The following ICA1L variants were observed in gnomAD, a reference collection of about 807,000 sequenced individuals.
ICA1L encodes the protein islet cell autoantigen 1 like, also known as islet cell autoantigen 1-like protein.
Under a neutral mutation model 61.3 loss-of-function variants are expected in ICA1L, and 50 were observed. That is an observed-to-expected ratio of 0.82 (90% CI 0.65 to 1.03). The LOEUF (loss-of-function observed/expected upper bound fraction) is 1.03. Among genes scored for constraint, ICA1L ranks in the 50% least tolerant of loss-of-function variants. The pLI, the probability that ICA1L is intolerant of heterozygous loss-of-function variation, is 0.00. For missense variants in ICA1L, 508 were observed against 556.7 expected (o/e 0.91, Z 0.88); for synonymous variants, 161 against 191.3 (o/e 0.84, Z 1.31).
chr2:202,821,080 T>G (rs1217641709), intron 4 of ICA1L, among the ~76,000 whole-genome samples: 1 of 152,200 alleles, frequency 6.6e-6, no homozygotes, highest in Non-Finnish European at 1.5e-5. Context: ...GAAATATAAC[T>G]GATACTTGTC....
intron 1 of ICA1L, chr2:202,840,317 G>C: frequency 2.1e-6 from 1 of 466,692 alleles, no homozygotes; most frequent in South Asian, 1.7e-5. Context: ...ACTGGGAGGA[G>C]CTGCTGCAGC....
intron 9 of ICA1L, among the ~76,000 whole-genome samples, chr2:202,806,840 C>A (rs1032977601): frequency 1.3e-5 from 2 of 152,114 alleles, no homozygotes; most frequent in African/African-American, 4.8e-5. Flanking sequence ...AAGCCAGGAT[C>A]CAAACTCAGA....
Position 202,774,350 on chromosome 2 carries a change from G to T in ICA1L, c.*5183C>A. 2.2e-6 allele frequency: 3 copies of T among 1,374,076 alleles called. No individual in the cohort carries two copies. The highest frequency in any genetic ancestry group is 2.8e-6 in the Non-Finnish European group (3 of 1,070,636). The allele number at this position is 1,374,076 out of a possible 1,614,324, so 85.1% of individuals were successfully genotyped here. A position where few individuals can be genotyped will look rare whatever the true frequency, so the allele number is the denominator to read the frequency against. ...CAGCGCTGAGGCGAGCCTGCCGCGC[G>T]CTCCGCTCAGCGTGGTCTGGCAGCC... On this transcript the variant is annotated 3_prime_UTR_variant, in exon 13 of 13. Transcript: ENST00000358299.
chr2:202,822,147 T>G (rs1196478978), intron 3 of ICA1L, among the ~76,000 whole-genome samples: 1 of 152,210 alleles, frequency 6.6e-6, no homozygotes, highest in African/African-American at 2.4e-5. Flanking sequence ...TTTCACGTAT[T>G]TTATTTCATT....
intron 12 of ICA1L, among the ~76,000 whole-genome samples, chr2:202,779,860 G>A (rs1692345457): frequency 6.7e-6 from 1 of 149,368 alleles, no homozygotes; most frequent in Admixed American, 6.7e-5. Context: ...GCCCAGGCTG[G>A]TCTGGAACTC....
intron 1 of ICA1L, among the ~76,000 whole-genome samples, chr2:202,834,400 G>A (rs192295957): frequency 3.0e-4 from 45 of 152,256 alleles, no homozygotes; most frequent in Non-Finnish European, 4.1e-4. Flanking sequence ...AGGCTGAGGC[G>A]GGTGGATAAC....
intron 10 of ICA1L, among the ~76,000 whole-genome samples, chr2:202,793,314 A>T (rs1003458167): frequency 1.3e-5 from 2 of 151,838 alleles, no homozygotes; most frequent in African/African-American, 4.8e-5. Flanking sequence ...GACAAAAAAC[A>T]CACATGTACA....
At position 202,815,953 on chromosome 2, in the gene ICA1L, T is replaced by C; in HGVS notation, c.741A>G (p.Glu247=). ...KTARMMSQIH[E]ACIGFHPYDF... ...CATACGGATGAAAGCCAATACAGGC[T>C]TCATGAATTTGGGACATCATTCGAG... Residue 247 remains glutamate (E), a synonymous_variant, in exon 7 of 13, where the codon GAA becomes GAG. Coordinates refer to ENST00000358299, the MANE Select transcript of ICA1L (RefSeq NM_001288622.3). 6.2e-7 allele frequency: 1 copy of C among 1,605,152 alleles called. No homozygotes were observed. Among genetic ancestry groups the C allele is most frequent in the East Asian group, 2.3e-5 (1 of 44,064 alleles).
chr2:202,830,049 G>A (rs756236250), intron 1 of ICA1L, among the ~76,000 whole-genome samples: 41 of 152,184 alleles, frequency 2.7e-4, no homozygotes, highest in Non-Finnish European at 5.6e-4. Context: ...AAGTATAAGG[G>A]AAGATATGTT....
intron 3 of ICA1L, among the ~76,000 whole-genome samples, chr2:202,824,256 C>G (rs1559139179): frequency 6.6e-6 from 1 of 152,174 alleles, no homozygotes; most frequent in East Asian, 1.9e-4. Flanking sequence ...CAAAAATTGG[C>G]CAGGCATGGT....
intron 1 of ICA1L, among the ~76,000 whole-genome samples, chr2:202,861,635 C>T (rs1694917309): frequency 6.6e-6 from 1 of 151,590 alleles, no homozygotes; most frequent in African/African-American, 2.4e-5. Flanking sequence ...ACCTGTAATC[C>T]CAGAACTTTG....
At chr2:202,822,679 T>C (rs1465330460) in intron 3 of ICA1L, among the ~76,000 whole-genome samples, 1 of 152,184 alleles carries the variant, frequency 6.6e-6, no homozygotes, top group African/African-American at 2.4e-5. Flanking sequence ...ATGTCATGCC[T>C]AATTTCATCC....
In ICA1L at chr2:202,828,882, A is replaced by G. The variant is rs1693926790; in HGVS notation, c.128T>C (p.Val43Ala). 1.2e-6 allele frequency: 2 copies of G among 1,614,002 alleles called. No homozygotes were observed. The highest frequency in any genetic ancestry group is 1.7e-6 in the Non-Finnish European group (2 of 1,180,026). The change falls in exon 2 of 13, where the codon GTG (valine) becomes GCG (alanine). Residue 43 changes from valine (V) to alanine (A), a missense_variant. Coordinates refer to ENST00000358299, the MANE Select transcript of ICA1L (RefSeq NM_001288622.3). ...AGCATCCAGTTCAGCATCAGACGCCACCAAGTGCTCATCCTCTTTTTTTCC... is the reference window on the plus strand; with the variant it reads ...AGCATCCAGTTCAGCATCAGACGCCGCCAAGTGCTCATCCTCTTTTTTTCC... ...ATGKKEDEHL[V>A]ASDAELDAKL... is the part of the protein sequence containing the mutation.
At chr2:202,821,005 C>T (rs72932774) in intron 4 of ICA1L, among the ~76,000 whole-genome samples, 13,975 of 151,962 alleles carry the variant, frequency 0.092, 768 homozygotes, top group Non-Finnish European at 0.13. Context: ...TATCAAAAAG[C>T]GAAATTGGAA....
At chr2:202,780,933 T>C (rs1406434517) in intron 12 of ICA1L, among the ~76,000 whole-genome samples, 1 of 152,168 alleles carries the variant, frequency 6.6e-6, no homozygotes, top group African/African-American at 2.4e-5. Context: ...GATATCAGGA[T>C]ACATGAGACT....
intron 1 of ICA1L, among the ~76,000 whole-genome samples, chr2:202,862,061 C>T (rs534855309): frequency 2.0e-4 from 29 of 147,972 alleles, no homozygotes; most frequent in African/African-American, 7.0e-4. Flanking sequence ...GAAGATTCAC[C>T]GAAACAGACC....
chr2:202,805,458 T>C (rs940432917), intron 9 of ICA1L, among the ~76,000 whole-genome samples: 1 of 151,954 alleles, frequency 6.6e-6, no homozygotes, highest in Non-Finnish European at 1.5e-5. Flanking sequence ...GAAAGATGGC[T>C]GGGCATGGTG....
intron 1 of ICA1L, chr2:202,840,839 C>T (rs1694307782): frequency 4.8e-6 from 3 of 622,134 alleles, no homozygotes; most frequent in African/African-American, 3.6e-5. Context: ...CTGGAGCTGG[C>T]TGACGTTCTG....
At chr2:202,871,427 C>G (rs1441231864) in intron 1 of ICA1L, 192 bp downstream of exon 1, 1 of 152,142 alleles carries the variant, frequency 6.6e-6, no homozygotes, top group Non-Finnish European at 1.5e-5. Flanking sequence ...AGGCCGCAGG[C>G]AGCGGCCGGG....
Sources: allele counts gnomAD v4.1 joint callset (sites outside exome capture counted in the v4.1 genomes callset), GRCh38; gene constraint gnomAD v4.1.1; transcripts MANE v1.5; gene names NCBI Gene and HGNC (gene_info 2026-07-23, HGNC 2026-07-21).